The following RIT2 variants were observed in gnomAD, a reference collection of about 807,000 sequenced individuals.
RIT2 encodes the protein GTP-binding protein Rit2.
A neutral mutation model predicts 23.7 loss-of-function variants in RIT2; 24 were observed. The observed-to-expected ratio is 1.01, with a 90% confidence interval of 0.73 to 1.43. The LOEUF (loss-of-function observed/expected upper bound fraction) is 1.43. Among genes scored for constraint, RIT2 ranks in the 40% most tolerant of loss-of-function variants. The probability of loss-of-function intolerance (pLI) is 0.00; values close to 1 mark genes in which losing one functional copy is unlikely to be tolerated. For synonymous variants in RIT2, 107 were observed against 91.1 expected, an observed-to-expected ratio of 1.17 and a Z score of -0.99; for missense variants, 236 against 266.9, an observed-to-expected ratio of 0.88 and a Z score of 0.81.
intron 4 of RIT2, among the ~76,000 whole-genome samples, chr18:42,883,553 C>G (rs564082369): frequency 1.3e-5 from 2 of 151,962 alleles, no homozygotes; most frequent in Admixed American, 6.6e-5. Context: ...CCTTTTGCTT[C>G]GTCCAACATA....
chr18:42,895,182 T>G (rs1908290455), intron 4 of RIT2, among the ~76,000 whole-genome samples: 2 of 151,422 alleles, frequency 1.3e-5, no homozygotes, highest in African/African-American at 4.8e-5. Flanking sequence ...GTAGTCTTTG[T>G]TTTTTTTTCT....
intron 2 of RIT2, among the ~76,000 whole-genome samples, chr18:42,999,138 AT>A (rs1202269059): frequency 6.6e-6 from 1 of 152,002 alleles, no homozygotes; most frequent in Non-Finnish European, 1.5e-5. Flanking sequence ...CTTTAGTATT[AT>A]TTTCTAACTT....
intron 1 of RIT2, among the ~76,000 whole-genome samples, chr18:43,092,532 C>A (rs1913447943): frequency 6.6e-6 from 1 of 151,922 alleles, no homozygotes; most frequent in Non-Finnish European, 1.5e-5. Context: ...GTTTGTGAAA[C>A]TTAAATACAG....
intron 2 of RIT2, among the ~76,000 whole-genome samples, chr18:43,026,970 C>G (rs1323931809): frequency 6.6e-6 from 1 of 152,052 alleles, no homozygotes; most frequent in Non-Finnish European, 1.5e-5. Flanking sequence ...AAGAACCAGA[C>G]AGTGTCAGAA....
intron 1 of RIT2, among the ~76,000 whole-genome samples, chr18:43,092,118 C>T (rs1036036713): frequency 3.3e-5 from 5 of 152,094 alleles, no homozygotes; most frequent in Non-Finnish European, 5.9e-5. Flanking sequence ...TCCAACATAC[C>T]GGGACCTCTA....
At chr18:42,880,349 C>T (rs1294420033) in intron 4 of RIT2, among the ~76,000 whole-genome samples, 1 of 152,030 alleles carries the variant, frequency 6.6e-6, no homozygotes, top group African/African-American at 2.4e-5. Context: ...CTTCTGTTTT[C>T]TTGATTTTTG....
chr18:42,768,038 A>C (rs1322592685), intron 4 of RIT2, among the ~76,000 whole-genome samples: 1 of 152,072 alleles, frequency 6.6e-6, no homozygotes. Context: ...ATACATATGT[A>C]TATACATGTA....
At chr18:42,990,547 TG>T (rs1910818222) in intron 2 of RIT2, among the ~76,000 whole-genome samples, 1 of 152,206 alleles carries the variant, frequency 6.6e-6, no homozygotes, top group Non-Finnish European at 1.5e-5. Flanking sequence ...GGCATAACCC[TG>T]TTAAAGAAAT....
At chr18:42,996,452 ACACATC>A (rs1910985641) in intron 2 of RIT2, among the ~76,000 whole-genome samples, 2 of 152,158 alleles carry the variant, frequency 1.3e-5, no homozygotes, top group African/African-American at 4.8e-5. Context: ...ACTTGCAGGT[ACACATC>A]CAGATGGCCC....
At chr18:42,863,178 G>T (rs1462126900) in intron 4 of RIT2, among the ~76,000 whole-genome samples, 1 of 152,086 alleles carries the variant, frequency 6.6e-6, no homozygotes, top group East Asian at 1.9e-4. Context: ...ACAGATTATA[G>T]AATTTACTGT....
rs1233156895 is a variant in RIT2 at position 42,743,329 on chromosome 18, A to AAAC, written c.*161_*163dup. ...CCATCCAACTGTTAAAGGCAAAACAAAACTATCTCAAGAGGTACAGATATG... is the reference window on the plus strand; with the variant it reads ...CCATCCAACTGTTAAAGGCAAAACAAAACAACTATCTCAAGAGGTACAGATATG... On this transcript the variant is annotated 3_prime_UTR_variant, in exon 5 of 5. Transcript: ENST00000326695. The AAAC allele has an allele frequency of 3.2e-6, 2 of 617,100 alleles. No homozygotes were observed. Among genetic ancestry groups the AAAC allele is most frequent in the Non-Finnish European group, 5.7e-6 (2 of 352,566 alleles). 38.2% of individuals were successfully genotyped at this position (617,100 alleles called of 1,614,324 possible). A position where few individuals can be genotyped will look rare whatever the true frequency, so the allele number is the denominator to read the frequency against.
Position 43,082,587 on chromosome 18 carries a change from T to G in RIT2, c.103+32830A>C, listed in dbSNP as rs544928380. ...CGCTGGTTCAATATATGCAAATAAA[T>G]AAACATAATCCATCACATAAACAGA... On this transcript the variant is annotated intron_variant, in intron 1 of 4. Transcript: ENST00000326695. Among the ~76,000 whole-genome samples the G allele has an allele frequency of 1.3e-4, 20 of 152,144 alleles. No individual in the cohort carries two copies. In the South Asian group the frequency reaches 4.1e-3, roughly 32 times the overall value.
At chr18:43,083,804 C>A (rs182673341) in intron 1 of RIT2, among the ~76,000 whole-genome samples, 6 of 152,198 alleles carry the variant, frequency 3.9e-5, no homozygotes, top group African/African-American at 7.2e-5. Context: ...TAAGCAATAC[C>A]ATTTAGGATA....
At chr18:42,794,082 C>T (rs377149658) in intron 4 of RIT2, among the ~76,000 whole-genome samples, 29 of 152,086 alleles carry the variant, frequency 1.9e-4, no homozygotes, top group Admixed American at 9.2e-4. Flanking sequence ...AGAAAGAATG[C>T]GGTTATCTCA....
In RIT2 at chr18:42,990,131, T is replaced by C. The variant is rs529528327; in HGVS notation, c.161-15984A>G. On this transcript the variant is annotated intron_variant, in intron 2 of 4. Transcript: ENST00000326695. Reference sequence around the variant, plus strand: ...GGAGAGCCAGGAAAGCCATTGGTGTTTTTTGAAATTCAGTCAATCTGAATT... The same window carrying C: ...GGAGAGCCAGGAAAGCCATTGGTGTCTTTTGAAATTCAGTCAATCTGAATT... Among the ~76,000 whole-genome samples, 4 of 151,980 alleles carry C rather than the reference T, an allele frequency of 2.6e-5. No homozygotes were observed. The East Asian group carries it at 7.8e-4, about 29-fold the overall frequency.
intron 1 of RIT2, among the ~76,000 whole-genome samples, chr18:43,043,301 C>T (rs1385477597): frequency 6.6e-6 from 1 of 152,036 alleles, no homozygotes; most frequent in Non-Finnish European, 1.5e-5. Flanking sequence ...CCATAGGACC[C>T]CAAAGCCAGA....
intron 1 of RIT2, among the ~76,000 whole-genome samples, chr18:43,086,422 T>TA (rs1459628468): frequency 6.6e-6 from 1 of 152,088 alleles, no homozygotes; most frequent in Non-Finnish European, 1.5e-5. Flanking sequence ...CAGGAAGAAA[T>TA]ACGCATGATG....
rs528791972 is a variant in RIT2, at chr18:42,828,022, A to G, written c.427-84302T>C. On this transcript the variant is annotated intron_variant, in intron 4 of 4. Transcript: ENST00000326695. ...CCGTCTCAAAAAAAAAAAAAAAAAA[A>G]AAAAAGAAAAATGTAAAATAAAAAC... is the stretch of plus-strand genomic sequence containing the variant. Among the ~76,000 whole-genome samples the G allele has an allele frequency of 1.6e-4, 24 of 151,108 alleles. No homozygotes were observed. The South Asian group carries it at 3.9e-3, about 25-fold the overall frequency.
At chr18:43,055,736 G>A (rs1217478712) in intron 1 of RIT2, among the ~76,000 whole-genome samples, 1 of 152,056 alleles carries the variant, frequency 6.6e-6, no homozygotes, top group Non-Finnish European at 1.5e-5. Context: ...ACCAAGGATG[G>A]TACTGGAAGA....
Sources: gnomAD v4.1 joint callset for allele counts (sites outside exome capture counted in the v4.1 genomes callset) on GRCh38, gnomAD v4.1.1 for gene constraint, MANE v1.5 for transcripts, NCBI Gene and HGNC (gene_info 2026-07-23, HGNC 2026-07-21) for gene names.